SMARCD1: variants seen among roughly 807,000 people sequenced by gnomAD.
SMARCD1 encodes the protein SWI/SNF related BAF chromatin remodeling complex subunit D1, also known as SWI/SNF-related matrix-associated actin-dependent regulator of chromatin subfamily D member 1.
SMARCD1 carries 16 observed loss-of-function variants against 70.8 expected under a neutral mutation model. The observed-to-expected ratio is 0.23, with a 90% CI of 0.15 to 0.34. The LOEUF (loss-of-function observed/expected upper bound fraction) is 0.34, where lower values mean the gene tolerates loss of function less well. Among genes scored for constraint, SMARCD1 ranks in the 10% least tolerant of loss-of-function variants. The pLI, the probability that SMARCD1 is intolerant of heterozygous loss-of-function variation, is 1.00. For missense variants in SMARCD1, 409 were observed against 655.5 expected, an observed-to-expected ratio of 0.62 and a Z score of 4.11; for synonymous variants, 249 against 246.0, an observed-to-expected ratio of 1.01 and a Z score of -0.11.
Position 50,099,440 on chromosome 12 carries a change from T to G in SMARCD1, c.*440T>G. The G allele has an allele frequency of 2.4e-6, 1 of 411,342 alleles. No homozygotes were observed. The highest frequency in any genetic ancestry group is 4.3e-6 in the Non-Finnish European group (1 of 233,264). The allele number at this position is 411,342 out of a possible 1,614,324, so 25.5% of individuals were successfully genotyped here. A position where few individuals can be genotyped will look rare whatever the true frequency, so the allele number is the denominator to read the frequency against. ...TGGGCACTCTATAAGCTAGTTGATC[T>G]TGGCTCTCCTGATAACAGAATCCAA... is the stretch of plus-strand genomic sequence containing the variant. On this transcript the variant is annotated 3_prime_UTR_variant, in exon 13 of 13. Coordinates refer to ENST00000394963, the MANE Select transcript of SMARCD1 (RefSeq NM_003076.5).
chr12:50,097,196 G>A (rs142388268), intron 11 of SMARCD1, among the ~76,000 whole-genome samples: 1 of 152,294 alleles, frequency 6.6e-6, no homozygotes, highest in African/African-American at 2.4e-5. Context: ...ATCTTGTCAG[G>A]GATACAGAGT....
intron 9 of SMARCD1, 87 bp downstream of exon 9, chr12:50,090,677 GC>G: frequency 1.1e-6 from 1 of 910,340 alleles, no homozygotes; most frequent in Non-Finnish European, 1.8e-6. Flanking sequence ...CAGGAATTTT[GC>G]AAACAGGTTG....
intron 1 of SMARCD1, chr12:50,085,825 G>C (rs1485859462): frequency 2.5e-6 from 1 of 392,622 alleles, no homozygotes; most frequent in Non-Finnish European, 4.5e-6. Context: ...GGCTTGAGCA[G>C]CTCCAGTGAT....
chr12:50,093,936 C>T (rs186641790), intron 9 of SMARCD1, among the ~76,000 whole-genome samples: 3 of 152,212 alleles, frequency 2.0e-5, no homozygotes, highest in East Asian at 3.9e-4. Flanking sequence ...TGAGCTACCA[C>T]GTCCGGCTAG....
intron 6 of SMARCD1, 21 bp downstream of exon 6, chr12:50,088,658 G>A (rs1487286293): frequency 7.7e-7 from 1 of 1,300,094 alleles, no homozygotes; most frequent in Admixed American, 1.8e-5. Flanking sequence ...CTGCCTTCTA[G>A]GCTTTGACTC....
intron 1 of SMARCD1, 193 bp downstream of exon 1, chr12:50,085,739 C>G (rs1381151251): frequency 2.2e-6 from 1 of 454,884 alleles, no homozygotes; most frequent in African/African-American, 2.0e-5. Flanking sequence ...GGCATTGTTT[C>G]CCTGGGGAGT....
intron 5 of SMARCD1, 138 bp downstream of exon 5, chr12:50,087,623 C>T (rs1950803274): frequency 2.0e-6 from 2 of 1,008,186 alleles, no homozygotes; most frequent in South Asian, 3.3e-5. Context: ...CTGTTCCCTG[C>T]ACTGAAAGAC....
chr12:50,097,542 ACT>A (rs1335494593), intron 11 of SMARCD1, among the ~76,000 whole-genome samples: 1 of 151,080 alleles, frequency 6.6e-6, no homozygotes, highest in Non-Finnish European at 1.5e-5. Flanking sequence ...ACAGAGCGAA[ACT>A]CTGTCTCAAA....
At chr12:50,089,626 A>G (rs1055385333) in intron 6 of SMARCD1, among the ~76,000 whole-genome samples, 1 of 152,256 alleles carries the variant, frequency 6.6e-6, no homozygotes, top group Non-Finnish European at 1.5e-5. Flanking sequence ...TCACATGTGT[A>G]TTATCCATTT....
chr12:50,088,736 T>G, intron 6 of SMARCD1, 99 bp downstream of exon 6: 1 of 658,252 alleles, frequency 1.5e-6, no homozygotes, highest in Non-Finnish European at 2.7e-6. Flanking sequence ...TATAAAGTAG[T>G]CACTCTAGGT....
In SMARCD1 at chr12:50,086,342, A is replaced by G; in HGVS notation, c.359A>G (p.Asn120Ser). 8.7e-7 allele frequency: 1 copy of G among 1,153,510 alleles called. No homozygotes were observed. Among genetic ancestry groups the G allele is most frequent in the Non-Finnish European group, 1.2e-6 (1 of 829,354 alleles). The allele number at this position is 1,153,510 out of a possible 1,614,324, so 71.5% of individuals were successfully genotyped here. A position where few individuals can be genotyped will look rare whatever the true frequency, so the allele number is the denominator to read the frequency against. The change falls in exon 2 of 13, where the codon AAC (asparagine) becomes AGC (serine). Residue 120 changes from asparagine (N) to serine (S), a missense_variant. Around this residue, in one of 2 missense-constraint regions of SMARCD1, gnomAD observed 269 missense variants for 498.6 expected, o/e 0.54. Coordinates refer to ENST00000394963, the MANE Select transcript of SMARCD1 (RefSeq NM_003076.5). Reference protein sequence around the residue: ...QVQQQAVQNRNHNAKKKKMAD... With the variant: ...QVQQQAVQNRSHNAKKKKMAD... ...CAGCAGCAGGCGGTCCAAAATCGAA[A>G]CCACAAGTAAGATGATCCTGGGGCA...
intron 11 of SMARCD1, 32 bp from the exon 12 acceptor site, chr12:50,098,682 C>G: frequency 6.5e-7 from 1 of 1,542,530 alleles, no homozygotes; most frequent in Non-Finnish European, 9.0e-7. Flanking sequence ...TCTCCTCTCT[C>G]TTCCTCCACC....
At chr12:50,087,946 G>T (rs1260809018) in intron 5 of SMARCD1, among the ~76,000 whole-genome samples, 2 of 152,104 alleles carry the variant, frequency 1.3e-5, no homozygotes, top group Non-Finnish European at 2.9e-5. Flanking sequence ...CAGCTGACAG[G>T]TGATAGTCCC....
At chr12:50,096,829 G>GAGC (rs1308479661) in intron 10 of SMARCD1, 21 bp from the exon 11 acceptor site, 1 of 1,591,806 alleles carries the variant, frequency 6.3e-7, no homozygotes, top group South Asian at 1.1e-5. Flanking sequence ...AAAATGGTAT[G>GAGC]AGCTTCGTTC....
At chr12:50,097,323 G>A (rs1250765777) in intron 11 of SMARCD1, among the ~76,000 whole-genome samples, 2 of 152,176 alleles carry the variant, frequency 1.3e-5, no homozygotes, top group East Asian at 1.9e-4. Context: ...GGCCGAGGCC[G>A]ACGGATCGCT....
chr12:50,093,605 C>T (rs988457004), intron 9 of SMARCD1, among the ~76,000 whole-genome samples: 1 of 152,120 alleles, frequency 6.6e-6, no homozygotes, highest in Admixed American at 6.6e-5. Context: ...CACCTCGCCT[C>T]CTGAGCAGCT....
In SMARCD1 at chr12:50,086,496, G is replaced by GGTGGTGGTGGTGGTGGTGGTGGTA. The variant is rs533394455; in HGVS notation, c.366-120_366-119insGGTGGTGGTGGTGGTGGTAGTGGT. 1,081 of 1,139,270 alleles carry GGTGGTGGTGGTGGTGGTGGTGGTA rather than the reference G, an allele frequency of 9.5e-4. 6 individuals carry two copies. The African/African-American group carries it at 0.016, about 16-fold the overall frequency. The allele number at this position is 1,139,270 out of a possible 1,614,324, so 70.6% of individuals were successfully genotyped here. The stretch of plus-strand genomic sequence containing the variant: ...GAGAATGCTTGGTGGTGGTGGTGGT[G>GGTGGTGGTGGTGGTGGTGGTGGTA]GTGGTAGTTCTTTGAGAGAAGCTTT... On this transcript the variant is annotated intron_variant, in intron 2 of 12. Coordinates refer to ENST00000394963, the MANE Select transcript of SMARCD1 (RefSeq NM_003076.5).
chr12:50,086,366 CAGAG>C lies in SMARCD1; in HGVS notation c.365+19_365+22del, dbSNP rs1950790073. 4.3e-6 allele frequency: 5 copies of C among 1,169,912 alleles called. No homozygotes were observed. The highest frequency in any genetic ancestry group is 1.5e-5 in the African/African-American group (1 of 65,428). 72.5% of individuals were successfully genotyped at this position (1,169,912 alleles called of 1,614,324 possible). A position where few individuals can be genotyped will look rare whatever the true frequency, so the allele number is the denominator to read the frequency against. ...AACCACAAGTAAGATGATCCTGGGG[CAGAG>C]GGAGGGAGGGAGGGAGCCTGGGAGG... is the stretch of plus-strand genomic sequence containing the variant. On this transcript the variant is annotated intron_variant, in intron 2 of 12. Transcript: ENST00000394963.
At position 50,086,273 on chromosome 12, in the gene SMARCD1, A is replaced by G; in HGVS notation, c.290A>G (p.Asp97Gly). 6.2e-7 allele frequency: 1 copy of G among 1,613,736 alleles called. No homozygotes were observed. The highest frequency in any genetic ancestry group is 8.5e-7 in the Non-Finnish European group (1 of 1,179,782). The change falls in exon 2 of 13, where the codon GAT becomes GGT. Residue 97 changes from aspartate to glycine, a missense_variant. Coordinates refer to ENST00000394963, the MANE Select transcript of SMARCD1 (RefSeq NM_003076.5). ...VRPGLAQSGM[D>G]QSRKRPAPQQ... ...CCTGGCCTGGCCCAGTCAGGGATGG[A>G]TCAGTCCCGCAAGAGACCTGCCCCT...
Sources: allele counts gnomAD v4.1 joint callset (sites outside exome capture counted in the v4.1 genomes callset), GRCh38; gene constraint gnomAD v4.1.1; regional missense constraint gnomAD v4.1.1; transcripts MANE v1.5; gene names NCBI Gene and HGNC (gene_info 2026-07-23, HGNC 2026-07-21).